MANBA: variants seen among roughly 807,000 people sequenced by gnomAD.
The protein encoded by MANBA is mannosidase beta.
In MANBA, 83 loss-of-function variants were observed where a neutral mutation model predicts 111.1. The observed-to-expected ratio is 0.75, with a 90% CI of 0.63 to 0.90. MANBA has a LOEUF of 0.90. Ranked by LOEUF, MANBA falls within the 40% of genes least tolerant of loss-of-function variation. The probability of loss-of-function intolerance (pLI) is 0.00; values close to 1 mark genes in which losing one functional copy is unlikely to be tolerated. For synonymous variants in MANBA, 370 were observed against 378.7 expected (o/e 0.98, Z 0.27); for missense variants, 1,036 against 1,069.0 (o/e 0.97, Z 0.43).
intron 1 of MANBA, among the ~76,000 whole-genome samples, chr4:102,759,137 C>CTT (rs36126232): frequency 0.11 from 14,641 of 138,180 alleles, 872 homozygotes; most frequent in South Asian, 0.14. Flanking sequence ...TTCTTTCTTT[C>CTT]TTTTTTTTTT....
At chr4:102,682,103 C>T (rs1423220742) in intron 7 of MANBA, among the ~76,000 whole-genome samples, 7 of 149,342 alleles carry the variant, frequency 4.7e-5, no homozygotes, top group Admixed American at 1.3e-4. Flanking sequence ...GCCGAGATCA[C>T]GCCATTGCAC....
rs79509154 is a variant in MANBA at position 102,640,181 on chromosome 4, A to G, written c.1870-324T>C. 4.0e-4 allele frequency among the ~76,000 whole-genome samples: 61 copies of G among 152,352 alleles called. 1 individual carries two copies. The East Asian group carries it at 0.011, about 28-fold the overall frequency. On this transcript the variant is annotated intron_variant, in intron 13 of 16. Transcript: ENST00000647097. ...AAAGAAAAACAAAGACTACTATTCC[A>G]GAGCAAATGCTATATATAGTCCAAA...
intron 1 of MANBA, among the ~76,000 whole-genome samples, chr4:102,757,255 G>C (rs577119632): frequency 4.6e-5 from 7 of 152,114 alleles, no homozygotes; most frequent in African/African-American, 1.7e-4. Flanking sequence ...CTTGAACCCA[G>C]GAGGCAGAGG....
intron 13 of MANBA, among the ~76,000 whole-genome samples, chr4:102,641,962 G>C (rs932920527): frequency 5.3e-5 from 8 of 151,466 alleles, no homozygotes; most frequent in African/African-American, 1.9e-4. Flanking sequence ...TTGTGCTCCA[G>C]GCTCTGGCAC....
chr4:102,744,184 G>A (rs1723508659), intron 1 of MANBA, among the ~76,000 whole-genome samples: 1 of 152,216 alleles, frequency 6.6e-6, no homozygotes. Flanking sequence ...CTCTTTCTTG[G>A]TTGTAGAAGG....
intron 5 of MANBA, among the ~76,000 whole-genome samples, chr4:102,703,939 C>CA (rs1253477751): frequency 6.6e-6 from 1 of 152,010 alleles, no homozygotes; most frequent in Non-Finnish European, 1.5e-5. Context: ...ACCAAAAATA[C>CA]AAAAAATAAG....
intron 12 of MANBA, among the ~76,000 whole-genome samples, chr4:102,651,956 T>A (rs1444286285): frequency 8.3e-6 from 1 of 120,586 alleles, no homozygotes; most frequent in East Asian, 2.7e-4. Flanking sequence ...TTTATTTATG[T>A]TTATTATTTT....
chr4:102,746,137 T>G (rs1488956328), intron 1 of MANBA, among the ~76,000 whole-genome samples: 1 of 152,210 alleles, frequency 6.6e-6, no homozygotes, highest in African/African-American at 2.4e-5. Context: ...ATGAAGAAGC[T>G]GTTTCTTCTG....
chr4:102,729,683 C>A, intron 1 of MANBA: 1 of 1,550,534 alleles, frequency 6.4e-7, no homozygotes, highest in South Asian at 1.1e-5. Context: ...TGCCAAGCTC[C>A]GCCTCCAGCT....
chr4:102,708,174 A>T (rs914348384), intron 5 of MANBA, among the ~76,000 whole-genome samples: 10 of 152,288 alleles, frequency 6.6e-5, no homozygotes, highest in South Asian at 2.1e-4. Flanking sequence ...ATACACATTT[A>T]AAAAATATAT....
At chr4:102,693,662 C>T (rs1251924769) in intron 5 of MANBA, among the ~76,000 whole-genome samples, 3 of 152,078 alleles carry the variant, frequency 2.0e-5, no homozygotes, top group Non-Finnish European at 4.4e-5. Context: ...AATAGTCATG[C>T]TCATTTGTTT....
At chr4:102,704,408 A>G (rs1229687648) in intron 5 of MANBA, among the ~76,000 whole-genome samples, 1 of 152,150 alleles carries the variant, frequency 6.6e-6, no homozygotes, top group African/African-American at 2.4e-5. Flanking sequence ...GCCTCAAGTG[A>G]TCCTTTGAAC....
chr4:102,721,427 C>A (rs568815305), intron 4 of MANBA, among the ~76,000 whole-genome samples: 8 of 152,084 alleles, frequency 5.3e-5, no homozygotes, highest in African/African-American at 1.9e-4. Flanking sequence ...GGGAATATAT[C>A]CAAAAGAACT....
At position 102,634,950 on chromosome 4, in the gene MANBA, C is replaced by A; in HGVS notation, c.2253G>T (p.Glu751Asp). Reference protein sequence around the residue: ...MKGGEAVCLYEEPVSELLRRC... With the variant: ...MKGGEAVCLYDEPVSELLRRC... ...TCCTCAGCAATTCAGACACTGGCTC[C>A]TCATAAAGGCAGACAGCCTCTCCTC... Residue 751 changes from glutamate to aspartate, a missense_variant, in exon 16 of 17, where the codon GAG becomes GAT. Physicochemically the swap from Glu to Asp is conservative, Grantham distance 45. Transcript: ENST00000647097. 1 of 1,614,222 alleles carries A rather than the reference C, an allele frequency of 6.2e-7. No homozygotes were observed.
intron 8 of MANBA, chr4:102,672,293 G>A (rs2110224556): frequency 2.6e-6 from 1 of 384,562 alleles, no homozygotes; most frequent in Non-Finnish European, 4.6e-6. Flanking sequence ...ATGCTAAAAT[G>A]TTATTTAATT....
intron 1 of MANBA, among the ~76,000 whole-genome samples, chr4:102,748,443 T>G (rs1723663905): frequency 6.6e-6 from 1 of 152,146 alleles, no homozygotes; most frequent in Non-Finnish European, 1.5e-5. Flanking sequence ...TATATATATA[T>G]AGAATGCAAT....
chr4:102,707,188 C>G (rs1733338060), intron 5 of MANBA, among the ~76,000 whole-genome samples: 1 of 152,106 alleles, frequency 6.6e-6, no homozygotes, highest in Admixed American at 6.5e-5. Flanking sequence ...GAGAAAAGCA[C>G]CTAGTTACTT....
chr4:102,638,353 G>T (rs533307269), intron 14 of MANBA, among the ~76,000 whole-genome samples: 2 of 152,088 alleles, frequency 1.3e-5, no homozygotes, highest in South Asian at 2.1e-4. Flanking sequence ...TTGAGCCTGT[G>T]GGGTGGAGGC....
intron 1 of MANBA, chr4:102,729,572 C>T: frequency 1.1e-6 from 1 of 877,010 alleles, no homozygotes; most frequent in Non-Finnish European, 2.0e-6. Context: ...TAACCTTCAT[C>T]CACATCCTCT....
Sources: gnomAD v4.1 joint callset for allele counts (sites outside exome capture counted in the v4.1 genomes callset) on GRCh38, gnomAD v4.1.1 for gene constraint, MANE v1.5 for transcripts, NCBI Gene and HGNC (gene_info 2026-07-23, HGNC 2026-07-21) for gene names.